Variants in ACSF3 observed in about 807,000 individuals in gnomAD.
The protein encoded by ACSF3 is malonate--CoA ligase ACSF3, mitochondrial.
A neutral mutation model predicts 53.2 loss-of-function variants in ACSF3; 78 were observed. That is an observed-to-expected ratio of 1.47 (90% CI 1.22 to 1.77). ACSF3 has a LOEUF of 1.77. Ranked by LOEUF, ACSF3 falls within the 40% of genes most tolerant of loss-of-function variation. The pLI is 0.00. For synonymous variants in ACSF3, 414 were observed against 333.1 expected (o/e 1.24, Z -2.65); for missense variants, 937 against 771.1 (o/e 1.22, Z -2.55).
intron 7 of ACSF3, among the ~76,000 whole-genome samples, chr16:89,131,127 C>CTTTTTTTTTTT (rs558773398): frequency 3.2e-4 from 22 of 69,550 alleles, no homozygotes; most frequent in African/African-American, 4.0e-4. Context: ...TTTTCTTTTT[C>CTTTTTTTTTTT]TTTTTTTTTT....
intron 7 of ACSF3, among the ~76,000 whole-genome samples, chr16:89,129,420 T>C (rs530608663): frequency 3.3e-5 from 5 of 152,354 alleles, no homozygotes; most frequent in African/African-American, 1.2e-4. Flanking sequence ...TACTTTGATA[T>C]TATTATAGCT....
intron 8 of ACSF3, among the ~76,000 whole-genome samples, chr16:89,139,705 G>A (rs1428408296): frequency 1.3e-5 from 2 of 148,806 alleles, no homozygotes; most frequent in Admixed American, 1.4e-4. Context: ...CAATTCTCCT[G>A]CTTCAGCCTC....
chr16:89,144,425 C>G (rs932962715), intron 8 of ACSF3, among the ~76,000 whole-genome samples: 1 of 152,230 alleles, frequency 6.6e-6, no homozygotes. Context: ...GCTCCAGGCA[C>G]CCAGGAAAGG....
intron 8 of ACSF3, among the ~76,000 whole-genome samples, chr16:89,133,790 T>C (rs1909840130): frequency 6.6e-6 from 1 of 152,240 alleles, no homozygotes; most frequent in South Asian, 2.1e-4. Flanking sequence ...GTTCCACAAA[T>C]TAGCACATTC....
intron 4 of ACSF3, among the ~76,000 whole-genome samples, chr16:89,108,403 C>A (rs181246971): frequency 6.6e-6 from 1 of 152,284 alleles, no homozygotes; most frequent in East Asian, 1.9e-4. Context: ...ACAACAAATC[C>A]CTCAATTTTG....
rs1023565549 is a variant in ACSF3 at position 89,155,813 on chromosome 16, A to G, written c.*1606A>G. The G allele has an allele frequency of 4.4e-6, 2 of 453,374 alleles. No homozygotes were observed. The highest frequency in any genetic ancestry group is 4.0e-5 in the African/African-American group (2 of 49,876). 28.1% of individuals were successfully genotyped at this position (453,374 alleles called of 1,614,324 possible). Reference sequence around the variant, plus strand: ...TAATCCTGAAACTTTTGATTCCTAAAAAGCTTACATAATCATTTGCTTTAT... The same window carrying G: ...TAATCCTGAAACTTTTGATTCCTAAGAAGCTTACATAATCATTTGCTTTAT... On this transcript the variant is annotated 3_prime_UTR_variant, in exon 11 of 11. Transcript: ENST00000614302.
At chr16:89,111,708 C>T (rs1249048170) in intron 4 of ACSF3, among the ~76,000 whole-genome samples, 2 of 152,278 alleles carry the variant, frequency 1.3e-5, no homozygotes, top group Non-Finnish European at 2.9e-5. Context: ...TCGCTAGTCA[C>T]TGCATGCCTG....
intron 6 of ACSF3, among the ~76,000 whole-genome samples, chr16:89,119,008 G>A (rs900928048): frequency 2.0e-5 from 3 of 150,690 alleles, no homozygotes; most frequent in Non-Finnish European, 1.5e-5. Context: ...CCCCTCCCTC[G>A]AGCTCTCACG....
At chr16:89,104,483 T>C (rs1170785294) in intron 4 of ACSF3, among the ~76,000 whole-genome samples, 1 of 152,232 alleles carries the variant, frequency 6.6e-6, no homozygotes, top group East Asian at 1.9e-4. Flanking sequence ...CTGAAGTCTT[T>C]CTGGCCCCAT....
At chr16:89,147,067 A>G (rs907252558) in intron 10 of ACSF3, among the ~76,000 whole-genome samples, 4 of 151,424 alleles carry the variant, frequency 2.6e-5, no homozygotes, top group African/African-American at 9.7e-5. Flanking sequence ...GCCTCAGGAA[A>G]CTTACAGTCA....
intron 8 of ACSF3, among the ~76,000 whole-genome samples, chr16:89,134,306 A>C (rs191200269): frequency 1.1e-4 from 17 of 152,284 alleles, no homozygotes; most frequent in Non-Finnish European, 2.1e-4. Flanking sequence ...GCCGTGGGCC[A>C]CAGAAAAGAA....
intron 8 of ACSF3, among the ~76,000 whole-genome samples, chr16:89,133,646 G>T (rs1223587577): frequency 6.6e-6 from 1 of 152,252 alleles, no homozygotes; most frequent in Non-Finnish European, 1.5e-5. Flanking sequence ...CACCTCCGAG[G>T]TGTACCCCTG....
chr16:89,103,766 C>A (rs545978505), intron 4 of ACSF3, among the ~76,000 whole-genome samples: 13 of 152,342 alleles, frequency 8.5e-5, no homozygotes, highest in Admixed American at 5.9e-4. Context: ...TGTGGAGTCT[C>A]TGTCTCCCCT....
chr16:89,104,359 G>T (rs774636282), intron 4 of ACSF3, among the ~76,000 whole-genome samples: 5 of 152,230 alleles, frequency 3.3e-5, no homozygotes, highest in Admixed American at 6.5e-5. Context: ...TCTGTGCGGG[G>T]TTGTTCTGCA....
chr16:89,114,699 A>G (rs940505291), intron 6 of ACSF3: 13 of 696,096 alleles, frequency 1.9e-5, no homozygotes, highest in Non-Finnish European at 2.7e-5. Flanking sequence ...AGTCGGGTGG[A>G]TGGGGGAGGT....
intron 6 of ACSF3, among the ~76,000 whole-genome samples, chr16:89,119,085 C>G (rs982505104): frequency 6.6e-6 from 1 of 152,048 alleles, no homozygotes; most frequent in Non-Finnish European, 1.5e-5. Flanking sequence ...GTGTGGGGGC[C>G]CCTCCCTGAA....
At position 89,154,105 on chromosome 16, in the gene ACSF3, G is replaced by T. The variant is rs146779456; in HGVS notation, c.1629G>T (p.Pro543=). 2 of 1,612,838 alleles carry T rather than the reference G, an allele frequency of 1.2e-6. No homozygotes were observed. Among genetic ancestry groups the T allele is most frequent in the Admixed American group, 1.7e-5 (1 of 59,886 alleles). Residue 543 remains proline, a synonymous_variant, in exon 11 of 11, where the codon CCG becomes CCT. Coordinates refer to ENST00000614302, the MANE Select transcript of ACSF3 (RefSeq NM_001243279.3). ...GTCTCTGCAGAAATGTCCTGGCCCCGTACGCGGTGCCCTCGGAGCTGGTGC... is the reference window on the plus strand; with the variant it reads ...GTCTCTGCAGAAATGTCCTGGCCCCTTACGCGGTGCCCTCGGAGCTGGTGC... ...LKEWARNVLA[P]YAVPSELVLV...
intron 5 of ACSF3, among the ~76,000 whole-genome samples, chr16:89,112,894 G>A (rs1455561559): frequency 6.6e-6 from 1 of 152,204 alleles, no homozygotes; most frequent in Non-Finnish European, 1.5e-5. Context: ...CTCCTGCCTG[G>A]GGCACGTTCT....
intron 6 of ACSF3, chr16:89,115,023 C>A: frequency 8.2e-6 from 2 of 243,722 alleles, no homozygotes; most frequent in Non-Finnish European, 1.7e-5. Flanking sequence ...TTCTGACTTT[C>A]ATCTGACCCA....
Sources: gnomAD v4.1 joint callset for allele counts (sites outside exome capture counted in the v4.1 genomes callset) on GRCh38, gnomAD v4.1.1 for gene constraint, MANE v1.5 for transcripts, NCBI Gene and HGNC (gene_info 2026-07-23, HGNC 2026-07-21) for gene names.